NPAT: variants seen among roughly 807,000 people sequenced by gnomAD.
NPAT encodes nuclear protein, coactivator of histone transcription.
In NPAT, 52 loss-of-function variants were observed where a neutral mutation model predicts 130.7. The ratio of observed to expected loss-of-function variants is 0.40; its 90% CI spans 0.32 to 0.50. The LOEUF is 0.50. Ranked by LOEUF, NPAT falls within the 20% of genes least tolerant of loss-of-function variation. NPAT has a pLI of 0.68. For missense variants in NPAT, 1,687 were observed against 1,662.6 expected (o/e 1.01, Z -0.26); for synonymous variants, 580 against 584.8 (o/e 0.99, Z 0.12).
chr11:108,221,868 A>G (rs189003393), intron 1 of NPAT, among the ~76,000 whole-genome samples: 1 of 152,298 alleles, frequency 6.6e-6, no homozygotes, highest in Admixed American at 6.5e-5. Flanking sequence ...GGGCTAGAAA[A>G]CGTTCAACTA....
intron 1 of NPAT, among the ~76,000 whole-genome samples, chr11:108,211,654 G>A (rs985243943): frequency 1.3e-5 from 2 of 152,208 alleles, no homozygotes; most frequent in Non-Finnish European, 2.9e-5. Context: ...GTAATGCAAG[G>A]TTGGTTGAAT....
At chr11:108,195,954 G>C (rs2078215362) in intron 2 of NPAT, among the ~76,000 whole-genome samples, 1 of 152,194 alleles carries the variant, frequency 6.6e-6, no homozygotes, top group Admixed American at 6.5e-5. Flanking sequence ...CGTGCCTCTT[G>C]TAGAGCAAGT....
intron 12 of NPAT, among the ~76,000 whole-genome samples, chr11:108,174,854 A>G (rs2077989791): frequency 6.6e-6 from 1 of 152,070 alleles, no homozygotes; most frequent in Non-Finnish European, 1.5e-5. Flanking sequence ...CCTGACCTCA[A>G]GTAATCTGCC....
intron 17 of NPAT, 41 bp from the exon 18 acceptor site, chr11:108,159,060 C>T (rs1427787699): frequency 7.5e-7 from 1 of 1,327,388 alleles, no homozygotes. Context: ...CAAAACAAGG[C>T]CAAAATGCTT....
In NPAT at chr11:108,172,457, C is replaced by T; in HGVS notation, c.2527G>A (p.Val843Ile). Residue 843 changes from valine to isoleucine, a missense_variant, in exon 13 of 18, where the codon GTT becomes ATT. Val to Ile is a conservative substitution (Grantham distance 29, BLOSUM62 3). This residue lies in a region of NPAT where 1,379 missense variants were observed against 1,346.6 expected (regional missense o/e 1.02). Transcript: ENST00000278612. ...IAFSANVTPCVSKDGGYIQLM... is the reference protein window; with the variant it reads ...IAFSANVTPCISKDGGYIQLM... ...TGTATATATCCTCCATCCTTGGAAA[C>T]ACATGGTGTAACATTAGCTGAAAAA... 2 of 1,614,162 alleles carry T rather than the reference C, an allele frequency of 1.2e-6. No individual in the cohort carries two copies. Among genetic ancestry groups the T allele is most frequent in the Non-Finnish European group, 1.7e-6 (2 of 1,179,986 alleles).
intron 4 of NPAT, 70 bp from the exon 5 acceptor site, chr11:108,190,570 C>T (rs926460561): frequency 9.6e-6 from 13 of 1,361,166 alleles, no homozygotes; most frequent in Non-Finnish European, 1.4e-5. Context: ...GATTTAGTTA[C>T]AGTCAGACCT....
intron 2 of NPAT, among the ~76,000 whole-genome samples, chr11:108,194,319 A>G (rs2078199858): frequency 6.6e-6 from 1 of 152,214 alleles, no homozygotes. Context: ...AAGCATTTGT[A>G]TCATCTAGCT....
At chr11:108,188,320 T>C (rs922934724) in intron 6 of NPAT, 141 bp from the exon 7 acceptor site, 39 of 698,572 alleles carry the variant, frequency 5.6e-5, no homozygotes, top group African/African-American at 4.9e-4. Flanking sequence ...GTGTAAAGCA[T>C]GGTAAAAGAC....
At chr11:108,187,378 C>G (rs543229527) in intron 7 of NPAT, among the ~76,000 whole-genome samples, 1 of 152,250 alleles carries the variant, frequency 6.6e-6, no homozygotes, top group South Asian at 2.1e-4. Context: ...TCTGAGCCCA[C>G]AAGTTCGAGG....
At chr11:108,199,342 C>T (rs990731569) in intron 1 of NPAT, among the ~76,000 whole-genome samples, 13 of 152,174 alleles carry the variant, frequency 8.5e-5, no homozygotes, top group South Asian at 4.1e-4. Context: ...GCATGGAATC[C>T]GGGCCAGAAG....
intron 7 of NPAT, 65 bp from the exon 8 acceptor site, chr11:108,186,634 T>C: frequency 1.6e-6 from 2 of 1,261,440 alleles, no homozygotes; most frequent in Non-Finnish European, 2.3e-6. Flanking sequence ...GATAAATACA[T>C]ATACAGACAT....
intron 17 of NPAT, 42 bp downstream of exon 17, chr11:108,160,838 A>G: frequency 3.9e-6 from 6 of 1,532,980 alleles, no homozygotes; most frequent in Non-Finnish European, 5.4e-6. Context: ...ACTAAAGCGG[A>G]AAAAAAAGGT....
chr11:108,208,657 A>G (rs1156319597), intron 1 of NPAT: 1 of 289,454 alleles, frequency 3.5e-6, no homozygotes, highest in Non-Finnish European at 6.9e-6. Flanking sequence ...AGCCCAAAGT[A>G]TAAAGCAAAC....
chr11:108,205,949 A>G (rs1156892108), intron 1 of NPAT, among the ~76,000 whole-genome samples: 3 of 152,172 alleles, frequency 2.0e-5, no homozygotes, highest in Non-Finnish European at 4.4e-5. Flanking sequence ...GGAAGCTGAG[A>G]CATGAGAATC....
chr11:108,188,764 G>A (rs935359564), intron 6 of NPAT, among the ~76,000 whole-genome samples: 4 of 152,144 alleles, frequency 2.6e-5, no homozygotes, highest in Non-Finnish European at 5.9e-5. Context: ...CCTCATTCCA[G>A]GAGGACAGAC....
chr11:108,197,206 A>G (rs2078230834), intron 2 of NPAT, 96 bp downstream of exon 2: 2 of 919,610 alleles, frequency 2.2e-6, no homozygotes, highest in Non-Finnish European at 3.6e-6. Flanking sequence ...AATTTCTGCC[A>G]ATTTCAATTT....
At position 108,188,182 on chromosome 11, in the gene NPAT, G is replaced by A; in HGVS notation, c.557-3C>T. ...AATGACATTTAAAGCTTCTCCAGCT[G>A]TATTTCAAGAAAACATAACAGTAAG... On this transcript the variant is annotated splice_polypyrimidine_tract_variant and splice_region_variant and intron_variant, in intron 6 of 17. Coordinates refer to ENST00000278612, the MANE Select transcript of NPAT (RefSeq NM_002519.3). 1 of 1,611,646 alleles carries A rather than the reference G, an allele frequency of 6.2e-7. No individual in the cohort carries two copies. Among genetic ancestry groups the A allele is most frequent in the Non-Finnish European group, 8.5e-7 (1 of 1,178,074 alleles).
rs374299231 is a variant in NPAT, at chr11:108,161,766, A to G, written c.3320T>C (p.Leu1107Ser). ...NLDSPNVSSTLKPPSNNAIKR... is the reference protein window; with the variant it reads ...NLDSPNVSSTSKPPSNNAIKR... ...GATAGCATTATTAGAAGGGGGTTTTAAGGTGGAGGACACATTGGGTGAGTC... is the reference window on the plus strand; with the variant it reads ...GATAGCATTATTAGAAGGGGGTTTTGAGGTGGAGGACACATTGGGTGAGTC... The change falls in exon 17 of 18, where the codon TTA becomes TCA. Residue 1107 changes from leucine to serine, a missense_variant. Leu to Ser is a moderately radical substitution (Grantham distance 145). Around this residue, in one of 3 missense-constraint regions of NPAT, gnomAD observed 1,379 missense variants for 1,346.6 expected, o/e 1.02. Coordinates refer to ENST00000278612, the MANE Select transcript of NPAT (RefSeq NM_002519.3). 1.2e-6 allele frequency: 2 copies of G among 1,613,706 alleles called. No homozygotes were observed. The highest frequency in any genetic ancestry group is 1.7e-6 in the Non-Finnish European group (2 of 1,180,028).
intron 1 of NPAT, among the ~76,000 whole-genome samples, chr11:108,212,247 G>A (rs1036823405): frequency 3.1e-4 from 47 of 152,086 alleles, no homozygotes; most frequent in African/African-American, 9.9e-4. Context: ...CATCCAGGCC[G>A]GGTGCAGTGG....
Sources: gnomAD v4.1 joint callset for allele counts (sites outside exome capture counted in the v4.1 genomes callset) on GRCh38, gnomAD v4.1.1 for gene constraint, gnomAD v4.1.1 regional missense constraint, MANE v1.5 for transcripts, NCBI Gene and HGNC (gene_info 2026-07-23, HGNC 2026-07-21) for gene names.